The following SNX11 variants were observed in gnomAD, a reference collection of about 807,000 sequenced individuals.
The protein encoded by SNX11 is sorting nexin-11.
A neutral mutation model predicts 30.7 loss-of-function variants in SNX11; 19 were observed. That is an observed-to-expected ratio of 0.62 (90% CI 0.43 to 0.91). The LOEUF is 0.91. Ranked by LOEUF, SNX11 falls within the 40% of genes least tolerant of loss-of-function variation. The probability of loss-of-function intolerance (pLI) is 0.00; values close to 1 mark genes in which losing one functional copy is unlikely to be tolerated. For synonymous variants in SNX11, 112 were observed against 119.0 expected (o/e 0.94, Z 0.38); for missense variants, 302 against 326.7 (o/e 0.92, Z 0.58).
chr17:48,121,325 TG>T lies in SNX11; in HGVS notation c.631del (p.Val211LeufsTer37). The T allele has an allele frequency of 6.2e-7, 1 of 1,614,160 alleles. No individual in the cohort carries two copies. On this transcript the variant is annotated frameshift_variant, in exon 7 of 7. Coordinates refer to ENST00000359238, the MANE Select transcript of SNX11 (RefSeq NM_013323.3). LOFTEE classifies it low-confidence loss of function (END_TRUNC). ...ACCATTTAGAAGTGTGGGCTCCAGT[TG>T]TTGACTCTGAGGTTCCTTCCTTGGA... ...KDHLEVWAPV[V>X]DSEVPSLESP...
intron 4 of SNX11, among the ~76,000 whole-genome samples, chr17:48,118,346 C>T (rs374009938): frequency 3.3e-5 from 5 of 151,992 alleles, no homozygotes; most frequent in East Asian, 1.9e-4. Context: ...TTTGGGAGGC[C>T]GAGGCAGGCA....
At chr17:48,115,479 A>T (rs775192934) in intron 4 of SNX11, among the ~76,000 whole-genome samples, 1 of 152,234 alleles carries the variant, frequency 6.6e-6, no homozygotes, top group African/African-American at 2.4e-5. Context: ...CTTTATATGC[A>T]TATATGTCTA....
chr17:48,112,730 CCT>C, intron 3 of SNX11, 70 bp downstream of exon 3: 2 of 870,806 alleles, frequency 2.3e-6, no homozygotes, highest in Non-Finnish European at 3.5e-6. Flanking sequence ...TGAGGTGTAA[CCT>C]TTTTTTTTTT....
At position 48,121,782 on chromosome 17, in the gene SNX11, C is replaced by A. The variant is rs2063605339; in HGVS notation, c.*274C>A. The stretch of plus-strand genomic sequence containing the variant: ...TATTACTCTCCTGGGATCTGAGTTT[C>A]TGCAGGTCATTTGTATGTAGGACCA... On this transcript the variant is annotated 3_prime_UTR_variant, in exon 7 of 7. Coordinates refer to ENST00000359238, the MANE Select transcript of SNX11 (RefSeq NM_013323.3). The A allele has an allele frequency of 2.5e-6, 1 of 402,648 alleles. No homozygotes were observed. The highest frequency in any genetic ancestry group is 4.3e-5 in the East Asian group (1 of 23,102). The allele number at this position is 402,648 out of a possible 1,614,324, so 24.9% of individuals were successfully genotyped here. A position where few individuals can be genotyped will look rare whatever the true frequency, so the allele number is the denominator to read the frequency against.
At chr17:48,108,455 T>TCAGTAGTTC (rs1226366341) in intron 1 of SNX11, among the ~76,000 whole-genome samples, 10 of 152,254 alleles carry the variant, frequency 6.6e-5, no homozygotes, top group Admixed American at 6.5e-4. Flanking sequence ...GACGGTAGTC[T>TCAGTAGTTC]CAGTAGTTCC....
chr17:48,115,346 G>A (rs2063535156), intron 4 of SNX11, among the ~76,000 whole-genome samples: 1 of 152,198 alleles, frequency 6.6e-6, no homozygotes, highest in Admixed American at 6.5e-5. Flanking sequence ...ACAGGCGTGA[G>A]CCACCGCACC....
chr17:48,119,096 C>G lies in SNX11; in HGVS notation c.449C>G (p.Ala150Gly), dbSNP rs1017983290. ...CGAAGTACCATGACTGTGTCTGATG[C>G]CATTCTTCGATATGCTATGTCAAAC... ...QGRSTMTVSDAILRYAMSNCG... is the reference protein window; with the variant it reads ...QGRSTMTVSDGILRYAMSNCG... Residue 150 changes from alanine to glycine, a missense_variant, in exon 6 of 7, where the codon GCC (alanine) becomes GGC (glycine). By Grantham distance (60) the Ala-to-Gly change is moderately conservative. Transcript: ENST00000359238. 6.2e-7 allele frequency: 1 copy of G among 1,613,926 alleles called. No homozygotes were observed. Among genetic ancestry groups the G allele is most frequent in the Non-Finnish European group, 8.5e-7 (1 of 1,180,014 alleles).
chr17:48,117,973 T>A (rs8071199), intron 4 of SNX11, among the ~76,000 whole-genome samples: 135,239 of 152,198 alleles, frequency 0.89, 60,149 homozygotes, highest in Admixed American at 0.92. Flanking sequence ...TATGCTCACG[T>A]TTATGCTACT....
At position 48,122,406 on chromosome 17, in the gene SNX11, G is replaced by A. The variant is rs2063610824; in HGVS notation, c.*898G>A. On this transcript the variant is annotated 3_prime_UTR_variant, in exon 7 of 7. Coordinates refer to ENST00000359238, the MANE Select transcript of SNX11 (RefSeq NM_013323.3). ...TGTTGCGCAGTGCAGTGGGGTGCAA[G>A]GGCTTTGTTTCTGCCTGCCTGAAAG... 1 of 153,440 alleles carries A rather than the reference G, an allele frequency of 6.5e-6. No individual in the cohort carries two copies. The highest frequency in any genetic ancestry group is 2.1e-4 in the South Asian group (1 of 4,832). The allele number at this position is 153,440 out of a possible 1,614,324, so 9.5% of individuals were successfully genotyped here.
intron 1 of SNX11, chr17:48,111,018 T>C (rs1392695165): frequency 1.1e-6 from 1 of 892,476 alleles, no homozygotes; most frequent in Non-Finnish European, 1.3e-6. Flanking sequence ...AATCAGGGGC[T>C]GAGGCTTTAA....
At chr17:48,121,099 C>A in intron 6 of SNX11, 136 bp from the exon 7 acceptor site, 2 of 883,114 alleles carry the variant, frequency 2.3e-6, no homozygotes, top group South Asian at 1.7e-5. Context: ...AATCTTCTGG[C>A]CTCAGCTTCC....
intron 6 of SNX11, among the ~76,000 whole-genome samples, chr17:48,119,389 G>A (rs1425268981): frequency 2.0e-5 from 3 of 152,148 alleles, no homozygotes; most frequent in Non-Finnish European, 4.4e-5. Context: ...GAAACCTGGG[G>A]AGAAAGAAGG....
chr17:48,120,711 CG>C (rs1397854480), intron 6 of SNX11, among the ~76,000 whole-genome samples: 1 of 151,256 alleles, frequency 6.6e-6, no homozygotes, highest in South Asian at 2.1e-4. Flanking sequence ...GGGGTTTCAC[CG>C]TGTTAGCCAG....
At chr17:48,119,696 C>T (rs1454376815) in intron 6 of SNX11, among the ~76,000 whole-genome samples, 2 of 150,500 alleles carry the variant, frequency 1.3e-5, no homozygotes, top group Non-Finnish European at 3.0e-5. Flanking sequence ...AGGTGATCCG[C>T]CTGCCTCTGC....
intron 4 of SNX11, 27 bp downstream of exon 4, chr17:48,113,428 G>A (rs2063510942): frequency 6.4e-7 from 1 of 1,563,346 alleles, no homozygotes; most frequent in Non-Finnish European, 8.8e-7. Flanking sequence ...TTCCTTCTTG[G>A]GTCTGTGACT....
intron 1 of SNX11, among the ~76,000 whole-genome samples, chr17:48,109,057 C>T (rs1247811286): frequency 2.0e-5 from 3 of 152,016 alleles, no homozygotes; most frequent in Non-Finnish European, 4.4e-5. Context: ...CTCAGTCTCC[C>T]GAGTAGCTGG....
chr17:48,115,931 T>G (rs530490950), intron 4 of SNX11, among the ~76,000 whole-genome samples: 1 of 134,356 alleles, frequency 7.4e-6, no homozygotes, highest in Non-Finnish European at 1.6e-5. Context: ...TGTTTTGTTT[T>G]TCTTTTTCTT....
intron 4 of SNX11, among the ~76,000 whole-genome samples, chr17:48,117,810 C>G (rs2063560617): frequency 6.6e-6 from 1 of 152,210 alleles, no homozygotes; most frequent in South Asian, 2.1e-4. Context: ...TGAGACCAGC[C>G]TGGGCAACAG....
At chr17:48,112,150 G>A in intron 2 of SNX11, 65 bp downstream of exon 2, 3 of 1,383,324 alleles carry the variant, frequency 2.2e-6, no homozygotes, top group Non-Finnish European at 3.1e-6. Flanking sequence ...GAGGAAAGAG[G>A]ACATAGAGAT....
Sources: allele counts gnomAD v4.1 joint callset (sites outside exome capture counted in the v4.1 genomes callset), GRCh38; gene constraint gnomAD v4.1.1; transcripts MANE v1.5; gene names NCBI Gene and HGNC (gene_info 2026-07-23, HGNC 2026-07-21).